CAPN2: variants seen among roughly 807,000 people sequenced by gnomAD.
CAPN2 encodes the protein calpain 2.
CAPN2 carries 92 observed loss-of-function variants against 102.3 expected under a neutral mutation model. That is an observed-to-expected ratio of 0.90 (90% CI 0.76 to 1.07). The LOEUF is 1.07. Among genes scored for constraint, CAPN2 ranks in the 50% least tolerant of loss-of-function variants. The pLI is 0.00. For synonymous variants in CAPN2, 340 were observed against 355.4 expected, an observed-to-expected ratio of 0.96 and a Z score of 0.49; for missense variants, 800 against 909.4, an observed-to-expected ratio of 0.88 and a Z score of 1.55.
intron 2 of CAPN2, among the ~76,000 whole-genome samples, chr1:223,723,007 A>G (rs1660096325): frequency 6.6e-6 from 1 of 152,176 alleles, no homozygotes; most frequent in Non-Finnish European, 1.5e-5. Context: ...ATTTTGTAAG[A>G]TGCCTGTCTA....
In CAPN2 at chr1:223,775,391, G is replaced by C. The variant is rs2102820448; in HGVS notation, c.*534G>C. 6.5e-6 allele frequency: 1 copy of C among 154,418 alleles called. No homozygotes were observed. The highest frequency in any genetic ancestry group is 2.0e-4 in the South Asian group (1 of 4,916). The allele number at this position is 154,418 out of a possible 1,614,324, so 9.6% of individuals were successfully genotyped here. A position where few individuals can be genotyped will look rare whatever the true frequency, so the allele number is the denominator to read the frequency against. On this transcript the variant is annotated 3_prime_UTR_variant, in exon 21 of 21. Transcript: ENST00000295006. Reference sequence around the variant, plus strand: ...GTAATCTTGTCAAGGCATCTGGAGAGTCCAGGAGAGAAGACTCACCTCTGT... The same window carrying C: ...GTAATCTTGTCAAGGCATCTGGAGACTCCAGGAGAGAAGACTCACCTCTGT...
chr1:223,765,999 C>T (rs766453431), intron 15 of CAPN2, among the ~76,000 whole-genome samples: 2 of 152,232 alleles, frequency 1.3e-5, no homozygotes, highest in South Asian at 2.1e-4. Context: ...CTTTCTCTCA[C>T]GGGTCATAGC....
In CAPN2 at chr1:223,726,702, G is replaced by A. The variant is rs1660198251; in HGVS notation, c.307+8871G>A. On this transcript the variant is annotated intron_variant, in intron 2 of 20. Transcript: ENST00000295006. This position sits in a 1 kb window ranked among gnomAD's most constrained non-coding sequence, Gnocchi z 4.4. ...ATGTGTGTGCAGTTTAGGGAAGGAGGCTGAAGACTTCTTGTTAATAAGGGT... is the reference window on the plus strand; with the variant it reads ...ATGTGTGTGCAGTTTAGGGAAGGAGACTGAAGACTTCTTGTTAATAAGGGT... Among the ~76,000 whole-genome samples, 1 of 152,206 alleles carries A rather than the reference G, an allele frequency of 6.6e-6. No individual in the cohort carries two copies. Among genetic ancestry groups the A allele is most frequent in the East Asian group, 1.9e-4 (1 of 5,196 alleles).
chr1:223,761,927 G>C (rs142251799), intron 13 of CAPN2, among the ~76,000 whole-genome samples: 1 of 152,298 alleles, frequency 6.6e-6, no homozygotes, highest in East Asian at 1.9e-4. Flanking sequence ...TTGGATGCTA[G>C]AGAAGATACC....
intron 16 of CAPN2, among the ~76,000 whole-genome samples, chr1:223,767,537 G>T (rs1661369243): frequency 1.3e-5 from 2 of 151,172 alleles, no homozygotes; most frequent in South Asian, 2.1e-4. Flanking sequence ...TTTTATGGCT[G>T]CATAGTATTC....
intron 2 of CAPN2, among the ~76,000 whole-genome samples, chr1:223,719,397 G>A (rs1422375673): frequency 1.3e-5 from 2 of 152,126 alleles, no homozygotes; most frequent in African/African-American, 4.8e-5. Flanking sequence ...AAATTAGCTG[G>A]ACGTGGTGGT....
intron 16 of CAPN2, among the ~76,000 whole-genome samples, chr1:223,769,429 G>C (rs2102816358): frequency 6.6e-6 from 1 of 152,190 alleles, no homozygotes; most frequent in South Asian, 2.1e-4. Context: ...CCACTTCTGT[G>C]AAGTTTTATC....
At chr1:223,706,845 C>T (rs927291189) in intron 1 of CAPN2, among the ~76,000 whole-genome samples, 3 of 151,956 alleles carry the variant, frequency 2.0e-5, no homozygotes, top group East Asian at 1.9e-4. Flanking sequence ...TTTGGGAGGC[C>T]GAGATGGGTG....
chr1:223,775,107 C>T lies in CAPN2; in HGVS notation c.*250C>T. On this transcript the variant is annotated 3_prime_UTR_variant, in exon 21 of 21. Coordinates refer to ENST00000295006, the MANE Select transcript of CAPN2 (RefSeq NM_001748.5). ...TAACCCTTGACAAGGTCAAAGAAAG[C>T]TTTAAATCTGTAAATAGTATACACT... 1 of 516,100 alleles carries T rather than the reference C, an allele frequency of 1.9e-6. No individual in the cohort carries two copies. The highest frequency in any genetic ancestry group is 3.4e-6 in the Non-Finnish European group (1 of 292,844). 32.0% of individuals were successfully genotyped at this position (516,100 alleles called of 1,614,324 possible).
In CAPN2 at chr1:223,731,447, C is replaced by G. The variant is rs1660332429; in HGVS notation, c.308-12653C>G. 6.6e-6 allele frequency among the ~76,000 whole-genome samples: 1 copy of G among 152,004 alleles called. No individual in the cohort carries two copies. The highest frequency in any genetic ancestry group is 2.4e-5 in the African/African-American group (1 of 41,382). On this transcript the variant is annotated intron_variant, in intron 2 of 20. Coordinates refer to ENST00000295006, the MANE Select transcript of CAPN2 (RefSeq NM_001748.5). This position sits in a 1 kb window ranked among gnomAD's most constrained non-coding sequence, Gnocchi z 4.2. ...GAAAGTGCCCCTGCTCTTCCTCACC[C>G]AGCTCCCCGCTCTAAGCCTTCCTCG...
intron 14 of CAPN2, 136 bp downstream of exon 14, chr1:223,762,387 C>T (rs933779784): frequency 2.9e-6 from 2 of 701,548 alleles, no homozygotes; most frequent in Non-Finnish European, 5.0e-6. Context: ...GCAAATGGCA[C>T]TTGGGTTCCA....
rs887650115 is a variant in CAPN2 at position 223,759,049 on chromosome 1, A to T, written c.1318-221A>T. 5.2e-6 allele frequency: 3 copies of T among 575,220 alleles called. No homozygotes were observed. The highest frequency in any genetic ancestry group is 3.8e-5 in the African/African-American group (2 of 53,274). 35.6% of individuals were successfully genotyped at this position (575,220 alleles called of 1,614,324 possible). On this transcript the variant is annotated intron_variant, in intron 11 of 20. Coordinates refer to ENST00000295006, the MANE Select transcript of CAPN2 (RefSeq NM_001748.5). The surrounding 1 kb of genome is among the most constrained non-coding windows in gnomAD (Gnocchi z 4.6). ...TTGTCACTGTACTGCTATTTTTTTA[A>T]AAAAATTTTGTTGTTTTGTTGTTGT...
chr1:223,769,574 C>T (rs1661419456), intron 16 of CAPN2, among the ~76,000 whole-genome samples: 1 of 152,130 alleles, frequency 6.6e-6, no homozygotes, highest in Non-Finnish European at 1.5e-5. Flanking sequence ...CATCCAATAC[C>T]TCATTTTTAG....
At position 223,754,496 on chromosome 1, in the gene CAPN2, G is replaced by T. The variant is rs927456646; in HGVS notation, c.1136-984G>T. Among the ~76,000 whole-genome samples the T allele has an allele frequency of 1.3e-5, 2 of 152,238 alleles. No homozygotes were observed. The highest frequency in any genetic ancestry group is 2.9e-5 in the Non-Finnish European group (2 of 68,042). On this transcript the variant is annotated intron_variant, in intron 9 of 20. Transcript: ENST00000295006. The surrounding 1 kb of genome is among the most constrained non-coding windows in gnomAD (Gnocchi z 4.7). ...GGCAGCCATACTTAAGCGAATGGCC[G>T]TGGCTACGTTCCAATAAAACGTTAT...
chr1:223,768,045 T>C (rs1182668420), intron 16 of CAPN2, among the ~76,000 whole-genome samples: 1 of 151,638 alleles, frequency 6.6e-6, no homozygotes, highest in Non-Finnish European at 1.5e-5. Context: ...TTGTTTGTTT[T>C]TTTCTTGTAA....
intron 1 of CAPN2, among the ~76,000 whole-genome samples, chr1:223,703,872 G>A (rs1659541048): frequency 6.6e-6 from 1 of 152,144 alleles, no homozygotes; most frequent in Non-Finnish European, 1.5e-5. Context: ...CTCATCAAGA[G>A]GGAAAAGTAT....
chr1:223,712,925 G>C, intron 1 of CAPN2, 48 bp downstream of exon 1: 1 of 1,386,944 alleles, frequency 7.2e-7, no homozygotes, highest in Non-Finnish European at 9.5e-7. Context: ...GCCGGGCAGG[G>C]CGGGGTGCAG....
Position 223,755,477 on chromosome 1 carries a change from C to G in CAPN2, c.1136-3C>G. The G allele has an allele frequency of 6.2e-7, 1 of 1,613,852 alleles. No individual in the cohort carries two copies. The highest frequency in any genetic ancestry group is 8.5e-7 in the Non-Finnish European group (1 of 1,179,954). ...GGGCTCCTCTGCCCCTTTCTGGCTG[C>G]AGACACATTCTGGATGAACCCTCAG... On this transcript the variant is annotated splice_polypyrimidine_tract_variant and splice_region_variant and intron_variant, in intron 9 of 20. Coordinates refer to ENST00000295006, the MANE Select transcript of CAPN2 (RefSeq NM_001748.5). This position sits in a 1 kb window ranked among gnomAD's most constrained non-coding sequence, Gnocchi z 4.1.
intron 3 of CAPN2, 114 bp from the exon 4 acceptor site, chr1:223,745,192 C>A: frequency 7.3e-7 from 1 of 1,368,392 alleles, no homozygotes; most frequent in Non-Finnish European, 1.0e-6. Context: ...TCCCAGGATG[C>A]GCTCATGGAA....
Sources: gnomAD v4.1 joint callset for allele counts (sites outside exome capture counted in the v4.1 genomes callset) on GRCh38, gnomAD v4.1.1 for gene constraint, Gnocchi (gnomAD v3.1) non-coding constraint, MANE v1.5 for transcripts, NCBI Gene and HGNC (gene_info 2026-07-23, HGNC 2026-07-21) for gene names.